The following FLNB variants were observed in gnomAD, a reference collection of about 807,000 sequenced individuals.
The protein encoded by FLNB is filamin-B.
In FLNB, 111 loss-of-function variants were observed where a neutral mutation model predicts 250.6. That is an observed-to-expected ratio of 0.44 (90% CI 0.38 to 0.52). FLNB has a LOEUF of 0.52. Among genes scored for constraint, FLNB ranks in the 20% least tolerant of loss-of-function variants. FLNB has a pLI of 0.00. For missense variants in FLNB, 2,869 were observed against 3,447.8 expected (o/e 0.83, Z 4.20); for synonymous variants, 1,302 against 1,372.1 (o/e 0.95, Z 1.13).
At chr3:58,028,026 T>C (rs532469283) in intron 1 of FLNB, among the ~76,000 whole-genome samples, 96 of 152,354 alleles carry the variant, frequency 6.3e-4, no homozygotes, top group Middle Eastern at 3.4e-3. Flanking sequence ...ATTGAGCCTT[T>C]TCCTTGACCT....
chr3:58,135,413 C>T (rs1209499607), intron 27 of FLNB, among the ~76,000 whole-genome samples: 2 of 152,190 alleles, frequency 1.3e-5, no homozygotes, highest in African/African-American at 4.8e-5. Context: ...TGCCAGTGCT[C>T]TGGCCATCAC....
intron 1 of FLNB, among the ~76,000 whole-genome samples, chr3:58,038,781 A>G (rs1350703883): frequency 1.3e-5 from 2 of 152,084 alleles, no homozygotes; most frequent in Admixed American, 6.6e-5. Context: ...TACTACTTGC[A>G]GGCATCTCCT....
rs483352714 is a variant in FLNB at position 58,169,627 on chromosome 3, C to T, written c.7455C>T (p.Thr2485=). 1 of 1,614,184 alleles carries T rather than the reference C, an allele frequency of 6.2e-7. No homozygotes were observed. Among genetic ancestry groups the T allele is most frequent in the East Asian group, 2.2e-5 (1 of 44,884 alleles). ...RLVSPGSANE[T]SSILVESVTR... is the part of the protein sequence containing the mutation. ...TTAGCCCTGGCTCAGCCAACGAGAC[C>T]TCATCCATCCTGGTGGAGTCAGTGA... The change falls in exon 45 of 46, where the codon ACC becomes ACT. Residue 2485 remains threonine (T), a synonymous_variant. Coordinates refer to ENST00000295956, the MANE Select transcript of FLNB (RefSeq NM_001457.4). This position sits in a 1 kb window ranked among gnomAD's most constrained non-coding sequence, Gnocchi z 4.8.
chr3:58,043,898 A>G (rs1474945254), intron 1 of FLNB, among the ~76,000 whole-genome samples: 1 of 152,182 alleles, frequency 6.6e-6, no homozygotes, highest in Non-Finnish European at 1.5e-5. Context: ...TCACAGACTT[A>G]AGTGTAATCC....
intron 41 of FLNB, among the ~76,000 whole-genome samples, chr3:58,156,382 G>C (rs2097353398): frequency 6.6e-6 from 1 of 152,150 alleles, no homozygotes; most frequent in African/African-American, 2.4e-5. Context: ...ACTGGTTAAG[G>C]GATAACAAGG....
intron 23 of FLNB, 39 bp downstream of exon 23, chr3:58,125,782 T>C (rs2097296805): frequency 6.2e-7 from 1 of 1,601,464 alleles, no homozygotes; most frequent in Non-Finnish European, 8.6e-7. Flanking sequence ...GAGTCTCACT[T>C]TTGTGGCTAG....
chr3:58,123,378 G>T lies in FLNB; in HGVS notation c.3412G>T (p.Ala1138Ser). ...GCCCTTTGACCCCTCTAAAGTCGTG[G>T]CATCGGGGCCAGGTCTCGAGCACGG... Reference protein sequence around the residue: ...EMPFDPSKVVASGPGLEHGKV... With the variant: ...EMPFDPSKVVSSGPGLEHGKV... The change falls in exon 21 of 46, where the codon GCA becomes TCA. Residue 1138 changes from alanine to serine, a missense_variant. Coordinates refer to ENST00000295956, the MANE Select transcript of FLNB (RefSeq NM_001457.4). 6.2e-7 allele frequency: 1 copy of T among 1,614,116 alleles called. No homozygotes were observed. Among genetic ancestry groups the T allele is most frequent in the South Asian group, 1.1e-5 (1 of 91,084 alleles).
At chr3:58,049,875 T>A (rs1164430392) in intron 1 of FLNB, among the ~76,000 whole-genome samples, 2 of 152,126 alleles carry the variant, frequency 1.3e-5, no homozygotes, top group African/African-American at 4.8e-5. Flanking sequence ...AAACGTGTAA[T>A]CTGTGGGCAT....
rs762631552 is a variant in FLNB, at chr3:58,172,200, C to T, written c.*1438C>T. On this transcript the variant is annotated 3_prime_UTR_variant, in exon 46 of 46. Coordinates refer to ENST00000295956, the MANE Select transcript of FLNB (RefSeq NM_001457.4). ...CGGAAGCCAAACTGGAATCAAACGC[C>T]GACTGTAAATTGTATCTTATAACTT... is the stretch of plus-strand genomic sequence containing the variant. 3 of 152,542 alleles carry T rather than the reference C, an allele frequency of 2.0e-5. No homozygotes were observed. The highest frequency in any genetic ancestry group is 2.9e-5 in the Non-Finnish European group (2 of 68,048). The allele number at this position is 152,542 out of a possible 1,614,324, so 9.4% of individuals were successfully genotyped here.
intron 25 of FLNB, among the ~76,000 whole-genome samples, chr3:58,131,270 T>C (rs948308748): frequency 6.6e-6 from 1 of 152,188 alleles, no homozygotes; most frequent in Non-Finnish European, 1.5e-5. Flanking sequence ...TGATAACTCA[T>C]TGAGATATCT....
intron 21 of FLNB, 119 bp downstream of exon 21, chr3:58,123,809 T>A: frequency 1.2e-6 from 1 of 812,646 alleles, no homozygotes; most frequent in Non-Finnish European, 2.0e-6. Flanking sequence ...TATAAGGCGG[T>A]GCTCACCTGT....
chr3:58,016,052 GT>G (rs1576586588), intron 1 of FLNB, among the ~76,000 whole-genome samples: 1 of 151,334 alleles, frequency 6.6e-6, no homozygotes, highest in African/African-American at 2.4e-5. Flanking sequence ...CCTTGAGTTT[GT>G]TTGTTTGTTT....
intron 1 of FLNB, among the ~76,000 whole-genome samples, chr3:58,065,755 A>G (rs1482453390): frequency 6.6e-6 from 1 of 152,250 alleles, no homozygotes; most frequent in Non-Finnish European, 1.5e-5. Context: ...GCACAGCCCC[A>G]GGGTGGGCCA....
In FLNB at chr3:58,009,441, G is replaced by C. The variant is rs993261640; in HGVS notation, c.292+585G>C. Among the ~76,000 whole-genome samples the C allele has an allele frequency of 2.6e-5, 4 of 152,274 alleles. No individual in the cohort carries two copies. In the East Asian group the frequency reaches 7.7e-4, roughly 29 times the overall value. On this transcript the variant is annotated intron_variant, in intron 1 of 45. Transcript: ENST00000295956. ...CCCCGAGGTTGCAAGGGTAGGCGCG[G>C]GTGTGTGTCCTCGCTCTCTCTGCTC...
chr3:58,030,865 C>G (rs1170330462), intron 1 of FLNB, among the ~76,000 whole-genome samples: 1 of 143,446 alleles, frequency 7.0e-6, no homozygotes, highest in African/African-American at 3.0e-5. Flanking sequence ...GCCTGGGCAA[C>G]AGAGTGAGAC....
chr3:58,025,133 C>CTTTTTTTTTTT (rs57706596), intron 1 of FLNB, among the ~76,000 whole-genome samples: 5 of 116,548 alleles, frequency 4.3e-5, no homozygotes, highest in African/African-American at 1.0e-4. Context: ...TTCTTTCTTT[C>CTTTTTTTTTTT]TTTTTTTTTT....
intron 1 of FLNB, among the ~76,000 whole-genome samples, chr3:58,011,137 A>T (rs1212540310): frequency 4.6e-5 from 7 of 151,780 alleles, no homozygotes; most frequent in Non-Finnish European, 1.5e-5. Context: ...CTGGTCTCGA[A>T]CTCTTGACCT....
At chr3:58,132,970 T>C in intron 26 of FLNB, 39 bp downstream of exon 26, 1 of 1,592,918 alleles carries the variant, frequency 6.3e-7, no homozygotes, top group African/African-American at 1.3e-5. Flanking sequence ...CCTCCATCAG[T>C]CTATCTGTCC....
At position 58,126,760 on chromosome 3, in the gene FLNB, C is replaced by T. The variant is rs778070370; in HGVS notation, c.4220C>T (p.Pro1407Leu). 2 of 1,613,418 alleles carry T rather than the reference C, an allele frequency of 1.2e-6. No individual in the cohort carries two copies. The highest frequency in any genetic ancestry group is 1.7e-6 in the Non-Finnish European group (2 of 1,179,484). Reference protein sequence around the residue: ...VNITYGGAHIPGSPFRVPVKD... With the variant: ...VNITYGGAHILGSPFRVPVKD... ...ATCACATATGGAGGAGCCCACATCC[C>T]CGGTGAGCTATTCCTCAGAGAGGAC... is the stretch of plus-strand genomic sequence containing the variant. Residue 1407 changes from proline to leucine, a missense_variant and splice_region_variant, in exon 24 of 46, where the codon CCC (proline) becomes CTC (leucine). This residue lies in a region of FLNB where 1,348 missense variants were observed against 1,466.7 expected (regional missense o/e 0.92). Transcript: ENST00000295956.
Sources: gnomAD v4.1 joint callset for allele counts (sites outside exome capture counted in the v4.1 genomes callset) on GRCh38, gnomAD v4.1.1 for gene constraint, gnomAD v4.1.1 regional missense constraint, Gnocchi (gnomAD v3.1) non-coding constraint, MANE v1.5 for transcripts, NCBI Gene and HGNC (gene_info 2026-07-23, HGNC 2026-07-21) for gene names.